The following MYEF2 variants were observed in gnomAD, a reference collection of about 807,000 sequenced individuals.
MYEF2 encodes myelin expression factor 2.
Under a neutral mutation model 75.2 loss-of-function variants are expected in MYEF2, and 37 were observed. The ratio of observed to expected loss-of-function variants is 0.49; its 90% CI spans 0.38 to 0.65. MYEF2 has a LOEUF of 0.65. Ranked by LOEUF, MYEF2 falls within the 30% of genes least tolerant of loss-of-function variation. The pLI, the probability that MYEF2 is intolerant of heterozygous loss-of-function variation, is 0.00. For synonymous variants in MYEF2, 195 were observed against 241.6 expected (o/e 0.81, Z 1.79); for missense variants, 634 against 771.4 (o/e 0.82, Z 2.11).
intron 3 of MYEF2, among the ~76,000 whole-genome samples, chr15:48,166,962 C>CA (rs986413826): frequency 6.6e-6 from 1 of 151,832 alleles, no homozygotes; most frequent in African/African-American, 2.4e-5. Flanking sequence ...AGTAAAATTT[C>CA]AAAAATACAT....
At chr15:48,153,748 C>T (rs752011660) in intron 10 of MYEF2, 44 bp downstream of exon 10, 1 of 1,477,176 alleles carries the variant, frequency 6.8e-7, no homozygotes. Flanking sequence ...TATTAGCTAG[C>T]ATATGTATCA....
chr15:48,164,081 G>A (rs2040049675), intron 5 of MYEF2, among the ~76,000 whole-genome samples: 1 of 152,170 alleles, frequency 6.6e-6, no homozygotes, highest in South Asian at 2.1e-4. Flanking sequence ...AATACAATTT[G>A]TAAGGCTATT....
In MYEF2 at chr15:48,142,550, A is replaced by C; in HGVS notation, c.*358T>G. On this transcript the variant is annotated 3_prime_UTR_variant, in exon 17 of 17. Coordinates refer to ENST00000324324, the MANE Select transcript of MYEF2 (RefSeq NM_016132.5). Reference sequence around the variant, plus strand: ...GAAAAATTACATATTATAAAACAGAAGTTTGGGGGGAAAAAATCTATGTTT... The same window carrying C: ...GAAAAATTACATATTATAAAACAGACGTTTGGGGGGAAAAAATCTATGTTT... 2.0e-6 allele frequency: 1 copy of C among 492,174 alleles called. No individual in the cohort carries two copies. Among genetic ancestry groups the C allele is most frequent in the Non-Finnish European group, 3.5e-6 (1 of 289,764 alleles). 30.5% of individuals were successfully genotyped at this position (492,174 alleles called of 1,614,324 possible).
At chr15:48,143,503 C>T (rs1180436932) in intron 16 of MYEF2, among the ~76,000 whole-genome samples, 1 of 152,060 alleles carries the variant, frequency 6.6e-6, no homozygotes, top group African/African-American at 2.4e-5. Context: ...CCTCATTTCA[C>T]TCCTTTATCC....
chr15:48,158,107 G>A, intron 8 of MYEF2, 51 bp from the exon 9 acceptor site: 1 of 1,610,690 alleles, frequency 6.2e-7, no homozygotes, highest in Non-Finnish European at 8.5e-7. Flanking sequence ...ACAAAGAACT[G>A]TAATGTAGAA....
chr15:48,161,824 T>C (rs1347464961), intron 5 of MYEF2, among the ~76,000 whole-genome samples: 1 of 146,614 alleles, frequency 6.8e-6, no homozygotes, highest in Admixed American at 6.8e-5. Flanking sequence ...GGTGCAAAAG[T>C]AAATGCAGTT....
chr15:48,167,197 G>A (rs763717696), intron 3 of MYEF2, 152 bp downstream of exon 3: 4 of 687,630 alleles, frequency 5.8e-6, no homozygotes, highest in South Asian at 1.9e-5. Flanking sequence ...TTGTATAAGT[G>A]TCAGACTTGC....
chr15:48,160,959 G>GTT (rs2039918656), intron 5 of MYEF2, among the ~76,000 whole-genome samples: 1 of 151,944 alleles, frequency 6.6e-6, no homozygotes, highest in South Asian at 2.1e-4. Context: ...TTCAAAAAGA[G>GTT]GTAAAAATAC....
intron 2 of MYEF2, among the ~76,000 whole-genome samples, chr15:48,167,948 A>C (rs2040187677): frequency 6.6e-6 from 1 of 152,142 alleles, no homozygotes; most frequent in African/African-American, 2.4e-5. Context: ...AATTTAAAAA[A>C]AAAAATTTAT....
chr15:48,171,123 A>G (rs2040325083), intron 1 of MYEF2, among the ~76,000 whole-genome samples: 1 of 152,222 alleles, frequency 6.6e-6, no homozygotes, highest in South Asian at 2.1e-4. Flanking sequence ...AAAAGGCACA[A>G]AGGCCTTTTC....
rs753678842 is a variant in MYEF2, at chr15:48,139,179, T to C, written c.*3729A>G. The C allele has an allele frequency of 1.2e-6, 2 of 1,604,986 alleles. No homozygotes were observed. Among genetic ancestry groups the C allele is most frequent in the Non-Finnish European group, 8.5e-7 (1 of 1,173,452 alleles). On this transcript the variant is annotated 3_prime_UTR_variant, in exon 17 of 17. Transcript: ENST00000324324. The stretch of plus-strand genomic sequence containing the variant: ...GTTTGGATGGTCACAATAACTGGTA[T>C]GTATTTTAAGTACAATAGCACAACT...
chr15:48,178,127 C>G lies in MYEF2; in HGVS notation c.111G>C (p.Glu37Asp). The G allele has an allele frequency of 6.3e-7, 1 of 1,590,480 alleles. No individual in the cohort carries two copies. Among genetic ancestry groups the G allele is most frequent in the South Asian group, 1.1e-5 (1 of 88,310 alleles). Reference protein sequence around the residue: ...GEPRREPHPAEAEKQQPQHSS... With the variant: ...GEPRREPHPADAEKQQPQHSS... ...TGTGCTGCGGCTGCTGCTTCTCCGCCTCCGCGGGGTGCGGCTCTCGCCGCG... is the reference window on the plus strand; with the variant it reads ...TGTGCTGCGGCTGCTGCTTCTCCGCGTCCGCGGGGTGCGGCTCTCGCCGCG... The change falls in exon 1 of 17, where the codon GAG becomes GAC. Residue 37 changes from glutamate (E) to aspartate (D), a missense_variant. Transcript: ENST00000324324.
At chr15:48,174,102 A>G (rs957696617) in intron 1 of MYEF2, among the ~76,000 whole-genome samples, 5 of 152,178 alleles carry the variant, frequency 3.3e-5, no homozygotes, top group Non-Finnish European at 7.4e-5. Context: ...TTACAAATCT[A>G]TAGTAATCAA....
Position 48,137,101 on chromosome 15 carries a change from C to G in MYEF2, c.*5807G>C. Reference sequence around the variant, plus strand: ...CTCAGAAATGATAAAGACCAAGTCCCTACCTTTAAGGAACTTCCAATATCA... The same window carrying G: ...CTCAGAAATGATAAAGACCAAGTCCGTACCTTTAAGGAACTTCCAATATCA... On this transcript the variant is annotated 3_prime_UTR_variant, in exon 17 of 17. Transcript: ENST00000324324. 1.1e-6 allele frequency: 1 copy of G among 895,532 alleles called. No individual in the cohort carries two copies. Among genetic ancestry groups the G allele is most frequent in the Non-Finnish European group, 1.6e-6 (1 of 610,164 alleles). The allele number at this position is 895,532 out of a possible 1,614,324, so 55.5% of individuals were successfully genotyped here.
intron 16 of MYEF2, among the ~76,000 whole-genome samples, 178 bp from the exon 17 acceptor site, chr15:48,143,249 A>T (rs896587116): frequency 1.3e-5 from 2 of 152,038 alleles, no homozygotes; most frequent in Non-Finnish European, 2.9e-5. Context: ...CAAAGTAATA[A>T]ATATATACAT....
intron 10 of MYEF2, chr15:48,153,200 A>T (rs1015115911): frequency 6.6e-6 from 1 of 152,116 alleles, no homozygotes; most frequent in Non-Finnish European, 1.5e-5. Flanking sequence ...ACTTTTATGT[A>T]TGTTAACATG....
intron 5 of MYEF2, among the ~76,000 whole-genome samples, chr15:48,160,486 T>C (rs867136301): frequency 2.2e-5 from 3 of 139,216 alleles, no homozygotes; most frequent in East Asian, 2.1e-4. Context: ...AAACCAAACA[T>C]ACACACACAC....
chr15:48,175,501 A>G (rs1336429935), intron 1 of MYEF2, among the ~76,000 whole-genome samples: 4 of 152,184 alleles, frequency 2.6e-5, no homozygotes, highest in African/African-American at 9.6e-5. Flanking sequence ...GAGGTAACAG[A>G]TACGTTAATT....
chr15:48,168,893 A>G (rs1047913868), intron 1 of MYEF2, 54 bp from the exon 2 acceptor site: 1 of 1,319,934 alleles, frequency 7.6e-7, no homozygotes, highest in East Asian at 2.4e-5. Context: ...GCTTATAAGA[A>G]TGGAAGTCTA....
Sources: gnomAD v4.1 joint callset for allele counts (sites outside exome capture counted in the v4.1 genomes callset) on GRCh38, gnomAD v4.1.1 for gene constraint, MANE v1.5 for transcripts, NCBI Gene and HGNC (gene_info 2026-07-23, HGNC 2026-07-21) for gene names.